The following MUC13 variants were observed in gnomAD, a reference collection of about 807,000 sequenced individuals.
MUC13 encodes the protein mucin-13.
Under a neutral mutation model 48.3 loss-of-function variants are expected in MUC13, and 32 were observed. The observed-to-expected ratio is 0.66, with a 90% CI of 0.50 to 0.89. The LOEUF (loss-of-function observed/expected upper bound fraction) is 0.89. Ranked by LOEUF, MUC13 falls within the 40% of genes least tolerant of loss-of-function variation. The pLI is 0.00. For missense variants in MUC13, 571 were observed against 622.8 expected (o/e 0.92, Z 0.88); for synonymous variants, 199 against 224.9 (o/e 0.88, Z 1.03).
In MUC13 at chr3:124,927,275, TA is replaced by T. The variant is rs1363046097; in HGVS notation, c.514+256del. Among the ~76,000 whole-genome samples, 4 of 151,934 alleles carry T rather than the reference TA, an allele frequency of 2.6e-5. No individual in the cohort carries two copies. The East Asian group carries it at 5.8e-4, about 22-fold the overall frequency. ...TACCTTTCACAAAGCCCAAGTTCAT[TA>T]AAAAAAATACTGCACAGCTAGCAAA... On this transcript the variant is annotated intron_variant, in intron 2 of 11. Coordinates refer to ENST00000616727, the MANE Select transcript of MUC13 (RefSeq NM_033049.4).
At position 124,922,316 on chromosome 3, in the gene MUC13, C is replaced by A; in HGVS notation, c.638-13G>T. ...GGGAATACCTTTCCTGAAAGTTAAG[C>A]AGAATCTTTCTGTACTATTTGATGA... On this transcript the variant is annotated splice_polypyrimidine_tract_variant and intron_variant, in intron 3 of 11. Transcript: ENST00000616727. 1 of 1,612,708 alleles carries A rather than the reference C, an allele frequency of 6.2e-7. No individual in the cohort carries two copies. Among genetic ancestry groups the A allele is most frequent in the Non-Finnish European group, 8.5e-7 (1 of 1,179,538 alleles).
At position 124,920,309 on chromosome 3, in the gene MUC13, T is replaced by G; in HGVS notation, c.745-20A>C. 1 of 1,569,002 alleles carries G rather than the reference T, an allele frequency of 6.4e-7. No homozygotes were observed. Among genetic ancestry groups the G allele is most frequent in the Non-Finnish European group, 8.6e-7 (1 of 1,158,114 alleles). On this transcript the variant is annotated intron_variant, in intron 4 of 11. Transcript: ENST00000616727. Reference sequence around the variant, plus strand: ...TTTAAACTGTGGAGGAAAACAGATTTAATAACAAGTAAAAAAAATTTTTTT... The same window carrying G: ...TTTAAACTGTGGAGGAAAACAGATTGAATAACAAGTAAAAAAAATTTTTTT...
chr3:124,920,422 C>G, intron 4 of MUC13, 133 bp from the exon 5 acceptor site: 1 of 684,306 alleles, frequency 1.5e-6, no homozygotes, highest in South Asian at 2.0e-5. Context: ...AAAATGGACC[C>G]TGGGAGACTT....
At chr3:124,922,389 A>T in intron 3 of MUC13, 86 bp from the exon 4 acceptor site, 1 of 1,468,890 alleles carries the variant, frequency 6.8e-7, no homozygotes, top group Non-Finnish European at 9.1e-7. Flanking sequence ...TATTTTTTAG[A>T]ATTCCCAACA....
intron 11 of MUC13, 52 bp downstream of exon 11, chr3:124,908,095 C>G: frequency 6.4e-7 from 1 of 1,569,198 alleles, no homozygotes; most frequent in Admixed American, 1.7e-5. Context: ...GGTCTCTGCT[C>G]TGCCCTGGTG....
At chr3:124,933,833 C>A (rs1187537804) in intron 1 of MUC13, among the ~76,000 whole-genome samples, 1 of 152,158 alleles carries the variant, frequency 6.6e-6, no homozygotes, top group Non-Finnish European at 1.5e-5. Flanking sequence ...TTTTAGGAAG[C>A]CAATTGGCCT....
chr3:124,927,440 C>T, intron 2 of MUC13, 92 bp downstream of exon 2: 2 of 1,253,762 alleles, frequency 1.6e-6, no homozygotes, highest in South Asian at 1.4e-5. Flanking sequence ...CTCTTTAGAC[C>T]CATTTTCCTA....
At chr3:124,906,921 T>C in intron 11 of MUC13, among the ~76,000 whole-genome samples, 179 bp from the exon 12 acceptor site, 1 of 152,186 alleles carries the variant, frequency 6.6e-6, no homozygotes, top group East Asian at 1.9e-4. Context: ...CCCCATCTCT[T>C]TCCCAGCTCC....
intron 2 of MUC13, among the ~76,000 whole-genome samples, chr3:124,926,681 A>G (rs1395656021): frequency 6.6e-6 from 1 of 152,194 alleles, no homozygotes; most frequent in Non-Finnish European, 1.5e-5. Context: ...ATTTATCTAG[A>G]TTCTTTAGGC....
chr3:124,915,335 T>A (rs1229506372), intron 6 of MUC13, among the ~76,000 whole-genome samples: 1 of 152,226 alleles, frequency 6.6e-6, no homozygotes, highest in African/African-American at 2.4e-5. Flanking sequence ...TTTAGCCAAT[T>A]GGACAGTTGT....
chr3:124,917,215 A>G (rs1324487813), intron 5 of MUC13, among the ~76,000 whole-genome samples: 12 of 152,200 alleles, frequency 7.9e-5, no homozygotes, highest in African/African-American at 2.9e-4. Context: ...TCCAAAATGA[A>G]TCAAGTGATA....
At chr3:124,926,089 C>G (rs1343546896) in intron 2 of MUC13, among the ~76,000 whole-genome samples, 1 of 152,142 alleles carries the variant, frequency 6.6e-6, no homozygotes, top group African/African-American at 2.4e-5. Flanking sequence ...GCAAAGATGA[C>G]TTGGGAAATC....
chr3:124,911,234 T>C (rs1280727494), intron 9 of MUC13, among the ~76,000 whole-genome samples: 1 of 152,212 alleles, frequency 6.6e-6, no homozygotes, highest in Non-Finnish European at 1.5e-5. Context: ...AATGTGTAGC[T>C]CACATAATAT....
chr3:124,908,486 C>T lies in MUC13; in HGVS notation c.1338-138G>A, dbSNP rs79085567. The T allele has an allele frequency of 6.5e-3, 4,823 of 738,066 alleles. 187 individuals are homozygous for T. In the African/African-American group the frequency reaches 0.076, roughly 12 times the overall value. The allele number at this position is 738,066 out of a possible 1,614,324, so 45.7% of individuals were successfully genotyped here. A position where few individuals can be genotyped will look rare whatever the true frequency, so the allele number is the denominator to read the frequency against. ...TGTAAGTTACAAAATACATATATTA[C>T]GGCGTTCTCACACACTTATCACCCA... On this transcript the variant is annotated intron_variant, in intron 10 of 11. Coordinates refer to ENST00000616727, the MANE Select transcript of MUC13 (RefSeq NM_033049.4).
intron 1 of MUC13, among the ~76,000 whole-genome samples, chr3:124,934,304 C>T (rs768881904): frequency 1.3e-4 from 20 of 152,128 alleles, no homozygotes; most frequent in Non-Finnish European, 2.6e-4. Flanking sequence ...ACTACAGGTG[C>T]CCACCGCCAC....
intron 1 of MUC13, among the ~76,000 whole-genome samples, chr3:124,928,545 A>C (rs900699965): frequency 3.9e-5 from 6 of 151,920 alleles, no homozygotes; most frequent in African/African-American, 1.5e-4. Flanking sequence ...ATGGCTGGCT[A>C]ATTTTTTTGT....
Position 124,908,216 on chromosome 3 carries a change from C to G in MUC13, c.1470G>C (p.Thr490=). The G allele has an allele frequency of 1.9e-6, 3 of 1,614,114 alleles. No individual in the cohort carries two copies. Among genetic ancestry groups the G allele is most frequent in the South Asian group, 2.2e-5 (2 of 91,072 alleles). ...EGSVFPKVRI[T]ASRDSQMQNP... ...TTTGCATCTGGCTGTCTCTGGAGGCCGTTATCCTGACCTTAGGAAAGACGC... is the reference window on the plus strand; with the variant it reads ...TTTGCATCTGGCTGTCTCTGGAGGCGGTTATCCTGACCTTAGGAAAGACGC... The change falls in exon 11 of 12, where the codon ACG becomes ACC. Residue 490 remains threonine (T), a synonymous_variant. Transcript: ENST00000616727.
intron 5 of MUC13, among the ~76,000 whole-genome samples, chr3:124,919,717 C>A (rs1422856725): frequency 1.3e-5 from 2 of 152,100 alleles, no homozygotes; most frequent in Non-Finnish European, 2.9e-5. Flanking sequence ...AAATAGCACC[C>A]AGCACTTGCC....
chr3:124,928,564 G>A (rs1274036723), intron 1 of MUC13, among the ~76,000 whole-genome samples: 1 of 151,834 alleles, frequency 6.6e-6, no homozygotes, highest in African/African-American at 2.4e-5. Flanking sequence ...GTGTGTTTTA[G>A]AGATGAGGGT....
Sources: allele counts gnomAD v4.1 joint callset (sites outside exome capture counted in the v4.1 genomes callset), GRCh38; gene constraint gnomAD v4.1.1; transcripts MANE v1.5; gene names NCBI Gene and HGNC (gene_info 2026-07-23, HGNC 2026-07-21).